CDH8: variants seen among roughly 807,000 people sequenced by gnomAD.
CDH8 encodes the protein cadherin-8.
A neutral mutation model predicts 68.1 loss-of-function variants in CDH8; 17 were observed. That is an observed-to-expected ratio of 0.25 (90% CI 0.17 to 0.37). The LOEUF (loss-of-function observed/expected upper bound fraction) is 0.37, where lower values mean the gene tolerates loss of function less well. Ranked by LOEUF, CDH8 falls within the 10% of genes least tolerant of loss-of-function variation. CDH8 has a pLI of 1.00. For synonymous variants in CDH8, 372 were observed against 365.1 expected (o/e 1.02, Z -0.21); for missense variants, 763 against 999.3 (o/e 0.76, Z 3.19).
At chr16:61,963,616 A>G (rs1341766998) in intron 2 of CDH8, among the ~76,000 whole-genome samples, 2 of 152,216 alleles carry the variant, frequency 1.3e-5, no homozygotes, top group Non-Finnish European at 2.9e-5. Context: ...CGATAAAGTG[A>G]GACTTTGTTC....
intron 4 of CDH8, among the ~76,000 whole-genome samples, chr16:61,840,481 C>T (rs561202574): frequency 6.6e-6 from 1 of 152,224 alleles, no homozygotes; most frequent in South Asian, 2.1e-4. Context: ...TACCCAGCCC[C>T]TAGAAAAATA....
intron 4 of CDH8, among the ~76,000 whole-genome samples, chr16:61,843,339 A>T (rs189161056): frequency 6.6e-6 from 1 of 152,338 alleles, no homozygotes; most frequent in Non-Finnish European, 1.5e-5. Context: ...GCAGGAAAGG[A>T]ACTCAAGTAG....
At chr16:61,888,459 TATA>T (rs1963717119) in intron 3 of CDH8, among the ~76,000 whole-genome samples, 1 of 152,176 alleles carries the variant, frequency 6.6e-6, no homozygotes, top group Non-Finnish European at 1.5e-5. Context: ...GTCTAATCCC[TATA>T]ATAACTCTTT....
intron 2 of CDH8, among the ~76,000 whole-genome samples, chr16:61,947,052 A>G (rs2143566620): frequency 6.6e-6 from 1 of 152,328 alleles, no homozygotes; most frequent in Non-Finnish European, 1.5e-5. Context: ...AGATGTCAGT[A>G]TAAGGAGTTT....
At chr16:61,979,475 G>C (rs1384408535) in intron 2 of CDH8, among the ~76,000 whole-genome samples, 1 of 152,298 alleles carries the variant, frequency 6.6e-6, no homozygotes, top group South Asian at 2.1e-4. Flanking sequence ...ATCACTGGTT[G>C]ATCAAGGCTC....
chr16:61,652,394 TA>T lies in CDH8; in HGVS notation c.*1213del. On this transcript the variant is annotated 3_prime_UTR_variant, in exon 12 of 12. Coordinates refer to ENST00000577390, the MANE Select transcript of CDH8 (RefSeq NM_001796.5). Reference sequence around the variant, plus strand: ...TGTAGGTATCTAAAAGTCTAGAGTTTAAATATTCACAGGAATCAATATACTT... The same window carrying T: ...TGTAGGTATCTAAAAGTCTAGAGTTTAATATTCACAGGAATCAATATACTT... 4.1e-6 allele frequency: 4 copies of T among 985,082 alleles called. No homozygotes were observed. The highest frequency in any genetic ancestry group is 4.8e-6 in the Non-Finnish European group (4 of 829,620). The allele number at this position is 985,082 out of a possible 1,614,324, so 61.0% of individuals were successfully genotyped here. A position where few individuals can be genotyped will look rare whatever the true frequency, so the allele number is the denominator to read the frequency against.
chr16:61,810,349 A>C (rs1596987717), intron 7 of CDH8, among the ~76,000 whole-genome samples: 1 of 152,280 alleles, frequency 6.6e-6, no homozygotes, highest in Middle Eastern at 3.4e-3. Flanking sequence ...CTGCTTTAAT[A>C]AATAATATTA....
At chr16:61,959,161 C>T (rs2143622281) in intron 2 of CDH8, among the ~76,000 whole-genome samples, 1 of 152,214 alleles carries the variant, frequency 6.6e-6, no homozygotes, top group Non-Finnish European at 1.5e-5. Flanking sequence ...TAAATACTTC[C>T]ATTCTATTCC....
At chr16:61,809,564 C>T (rs776169916) in intron 7 of CDH8, among the ~76,000 whole-genome samples, 64 of 152,166 alleles carry the variant, frequency 4.2e-4, no homozygotes, top group African/African-American at 1.3e-3. Context: ...CAAACCTGCA[C>T]GTTCTGCACA....
chr16:61,809,724 C>A (rs1961893118), intron 7 of CDH8, among the ~76,000 whole-genome samples: 1 of 152,194 alleles, frequency 6.6e-6, no homozygotes, highest in African/African-American at 2.4e-5. Context: ...AGGACAGGAA[C>A]CTGACTGCCC....
intron 7 of CDH8, among the ~76,000 whole-genome samples, chr16:61,799,271 C>G (rs979719327): frequency 6.6e-6 from 1 of 152,012 alleles, no homozygotes; most frequent in Non-Finnish European, 1.5e-5. Flanking sequence ...GGTTGACAAA[C>G]GCTAATAGGT....
chr16:61,653,308 A>G lies in CDH8; in HGVS notation c.*300T>C, dbSNP rs1963365758. ...ATTTTTTCCTCTATTTAAACCATTT[A>G]TCTAAGGATTAGCCAGGATCCCAAT... On this transcript the variant is annotated 3_prime_UTR_variant, in exon 12 of 12. Coordinates refer to ENST00000577390, the MANE Select transcript of CDH8 (RefSeq NM_001796.5). 1.7e-6 allele frequency: 2 copies of G among 1,194,898 alleles called. No homozygotes were observed. The highest frequency in any genetic ancestry group is 3.8e-5 in the South Asian group (1 of 26,106). 74.0% of individuals were successfully genotyped at this position (1,194,898 alleles called of 1,614,324 possible). A position where few individuals can be genotyped will look rare whatever the true frequency, so the allele number is the denominator to read the frequency against.
At chr16:61,688,668 T>G (rs753973841) in intron 10 of CDH8, among the ~76,000 whole-genome samples, 1 of 151,976 alleles carries the variant, frequency 6.6e-6, no homozygotes, top group South Asian at 2.1e-4. Flanking sequence ...TTCAAAGAGC[T>G]TAAATTCCCT....
At chr16:61,764,324 T>A (rs1005663246) in intron 8 of CDH8, among the ~76,000 whole-genome samples, 2 of 151,912 alleles carry the variant, frequency 1.3e-5, no homozygotes, top group African/African-American at 2.4e-5. Context: ...TAGAAGGAGG[T>A]CAGAAGGAGT....
rs1963383044 is a variant in CDH8, at chr16:61,653,852, A to G, written c.2156T>C (p.Val719Ala). 1.9e-6 allele frequency: 3 copies of G among 1,614,068 alleles called. No individual in the cohort carries two copies. In the South Asian group the frequency reaches 3.3e-5, roughly 18 times the overall value. ...RQGLAPVPNG[V>A]DVDEFINVRL... The stretch of plus-strand genomic sequence containing the variant: ...TACATTTATAAATTCATCGACATCA[A>G]CACCATTTGGAACTGGAGCAAGCCC... The change falls in exon 12 of 12, where the codon GTT becomes GCT. Residue 719 changes from valine (V) to alanine (A), a missense_variant. Physicochemically the swap from Val to Ala is moderately conservative, Grantham distance 64. This residue lies in a region of CDH8 where 397 missense variants were observed against 436.2 expected (regional missense o/e 0.91). Coordinates refer to ENST00000577390, the MANE Select transcript of CDH8 (RefSeq NM_001796.5).
chr16:61,977,461 C>T (rs1435088928), intron 2 of CDH8, among the ~76,000 whole-genome samples: 3 of 152,094 alleles, frequency 2.0e-5, no homozygotes, highest in African/African-American at 7.2e-5. Context: ...TTTGTGTGGG[C>T]TAAAATATGA....
intron 2 of CDH8, among the ~76,000 whole-genome samples, chr16:61,959,523 CCTCT>C (rs10624937): frequency 2.3e-4 from 31 of 133,556 alleles, no homozygotes; most frequent in Non-Finnish European, 3.8e-4. Context: ...CCTTATCCTC[CCTCT>C]CTCTCTCTCT....
intron 1 of CDH8, among the ~76,000 whole-genome samples, chr16:62,023,929 G>A (rs557732858): frequency 1.3e-5 from 2 of 152,222 alleles, no homozygotes; most frequent in South Asian, 4.1e-4. Flanking sequence ...GTTTACTCAG[G>A]CTCATATTTA....
intron 3 of CDH8, among the ~76,000 whole-genome samples, chr16:61,897,031 G>T (rs1320494822): frequency 6.7e-6 from 1 of 149,766 alleles, no homozygotes; most frequent in East Asian, 1.9e-4. Context: ...TGGAAGATAT[G>T]TCGCAGGCTA....
Sources: allele counts gnomAD v4.1 joint callset (sites outside exome capture counted in the v4.1 genomes callset), GRCh38; gene constraint gnomAD v4.1.1; regional missense constraint gnomAD v4.1.1; transcripts MANE v1.5; gene names NCBI Gene and HGNC (gene_info 2026-07-23, HGNC 2026-07-21).